Variants in HMCN1 observed in about 807,000 individuals in gnomAD.
The protein encoded by HMCN1 is hemicentin 1, also known as hemicentin-1.
A neutral mutation model predicts 625.9 loss-of-function variants in HMCN1; 321 were observed. The ratio of observed to expected loss-of-function variants is 0.51; its 90% CI spans 0.47 to 0.56. HMCN1 has a LOEUF of 0.56. HMCN1 is among the 20% of genes least tolerant of loss of function. HMCN1 has a pLI of 0.00. For synonymous variants in HMCN1, 2,425 were observed against 2,417.6 expected (o/e 1.00, Z -0.09); for missense variants, 6,588 against 6,887.3 (o/e 0.96, Z 1.54).
At chr1:185,824,224 T>A (rs1034386795) in intron 1 of HMCN1, among the ~76,000 whole-genome samples, 5 of 152,184 alleles carry the variant, frequency 3.3e-5, no homozygotes, top group Non-Finnish European at 1.5e-5. Context: ...TGGTTTAAGA[T>A]GCTAGTAAGT....
At chr1:186,156,993 C>A (rs1176848179) in intron 97 of HMCN1, among the ~76,000 whole-genome samples, 1 of 152,102 alleles carries the variant, frequency 6.6e-6, no homozygotes, top group Admixed American at 6.6e-5. Flanking sequence ...ATAAGAAAAT[C>A]TTTACACCCA....
At chr1:185,931,799 G>A (rs902242013) in intron 10 of HMCN1, among the ~76,000 whole-genome samples, 1 of 152,096 alleles carries the variant, frequency 6.6e-6, no homozygotes, top group Non-Finnish European at 1.5e-5. Context: ...CCTTCAGCAT[G>A]TTTGTTTCAT....
intron 1 of HMCN1, among the ~76,000 whole-genome samples, chr1:185,791,496 G>A (rs76649294): frequency 0.018 from 2,715 of 151,936 alleles, 43 homozygotes; most frequent in Non-Finnish European, 0.027. Context: ...GAGGCGGGTG[G>A]ATCACTTTAG....
intron 4 of HMCN1, among the ~76,000 whole-genome samples, chr1:185,868,864 CTTG>C (rs1378126992): frequency 6.6e-6 from 1 of 152,024 alleles, no homozygotes; most frequent in Non-Finnish European, 1.5e-5. Flanking sequence ...AACCCACTGG[CTTG>C]TTGTTAGTGT....
intron 18 of HMCN1, 24 bp from the exon 19 acceptor site, chr1:185,984,145 A>C (rs982743471): frequency 5.6e-6 from 9 of 1,604,338 alleles, no homozygotes; most frequent in Non-Finnish European, 6.8e-6. Flanking sequence ...TTTAAATAAA[A>C]ATTACCTTTT....
In HMCN1 at chr1:186,189,729, C is replaced by T; in HGVS notation, c.16759C>T (p.Leu5587=). ...TCCTTTTGCCTTGAGGGATGAAAAC[C>T]TGAAAGGAGTGGTGTATACAACACG... ...TVPFALRDEN[L]KGVVYTTRPL... The change falls in exon 107 of 107, where the codon CTG becomes TTG. Residue 5587 remains leucine (L), a synonymous_variant. Transcript: ENST00000271588. The T allele has an allele frequency of 6.2e-7, 1 of 1,613,554 alleles. No homozygotes were observed. The highest frequency in any genetic ancestry group is 1.7e-4 in the Middle Eastern group (1 of 6,052).
At chr1:186,002,194 G>T (rs141443771) in intron 28 of HMCN1, among the ~76,000 whole-genome samples, 249 of 152,110 alleles carry the variant, frequency 1.6e-3, no homozygotes, top group African/African-American at 5.7e-3. Flanking sequence ...ATTAACTCTT[G>T]TAACTAAGTC....
At position 185,989,553 on chromosome 1, in the gene HMCN1, G is replaced by A. The variant is rs1303448528; in HGVS notation, c.3114G>A (p.Val1038=). The A allele has an allele frequency of 6.2e-7, 1 of 1,613,972 alleles. No homozygotes were observed. The highest frequency in any genetic ancestry group is 8.5e-7 in the Non-Finnish European group (1 of 1,179,898). The part of the protein sequence containing the change: ...FSAGADGSLY[V]VSPGGEESGE... Reference sequence around the variant, plus strand: ...CAGGAGCTGATGGTAGTCTGTATGTGGTATCACCTGGAGGAGAGGAGAGTG... The same window carrying A: ...CAGGAGCTGATGGTAGTCTGTATGTAGTATCACCTGGAGGAGAGGAGAGTG... Residue 1038 remains valine, a synonymous_variant, in exon 21 of 107, where the codon GTG becomes GTA. Transcript: ENST00000271588.
At chr1:185,923,734 C>A in intron 8 of HMCN1, 81 bp downstream of exon 8, 1 of 1,167,818 alleles carries the variant, frequency 8.6e-7, no homozygotes, top group Non-Finnish European at 1.3e-6. Flanking sequence ...AACGGACTAT[C>A]AAATAAAAAA....
At chr1:186,024,640 A>G (rs912924664) in intron 36 of HMCN1, among the ~76,000 whole-genome samples, 1 of 152,186 alleles carries the variant, frequency 6.6e-6, no homozygotes, top group Non-Finnish European at 1.5e-5. Context: ...CTTAATTTCT[A>G]TGAGTATCTG....
At chr1:185,776,442 T>TTG (rs57003461) in intron 1 of HMCN1, among the ~76,000 whole-genome samples, 4,108 of 147,070 alleles carry the variant, frequency 0.028, 62 homozygotes, top group African/African-American at 0.032. Context: ...TTGTATAGGG[T>TTG]TGTGTGTGTG....
intron 11 of HMCN1, among the ~76,000 whole-genome samples, chr1:185,942,105 C>G (rs1451171814): frequency 1.3e-5 from 2 of 150,230 alleles, no homozygotes; most frequent in African/African-American, 4.9e-5. Flanking sequence ...GCGGGAGAAT[C>G]ACTTACACCC....
intron 4 of HMCN1, 126 bp downstream of exon 4, chr1:185,865,989 A>G (rs2102359064): frequency 3.7e-6 from 3 of 812,684 alleles, no homozygotes; most frequent in Non-Finnish European, 6.1e-6. Context: ...CCAAGGCCAC[A>G]GTTCAATAAA....
intron 30 of HMCN1, 56 bp downstream of exon 30, chr1:186,007,338 C>A: frequency 6.6e-7 from 1 of 1,504,948 alleles, no homozygotes; most frequent in Non-Finnish European, 9.2e-7. Flanking sequence ...AGTTGACAAG[C>A]AGGGTTTACT....
At chr1:185,982,745 T>G (rs1051044407) in intron 18 of HMCN1, among the ~76,000 whole-genome samples, 1 of 152,130 alleles carries the variant, frequency 6.6e-6, no homozygotes, top group African/African-American at 2.4e-5. Context: ...CTGGCCCACA[T>G]TCCTAATTTT....
intron 42 of HMCN1, 44 bp from the exon 43 acceptor site, chr1:186,052,908 C>G (rs1261748803): frequency 3.3e-6 from 5 of 1,500,150 alleles, no homozygotes; most frequent in Non-Finnish European, 3.7e-6. Context: ...TATGAGAATT[C>G]TATATGAAAT....
intron 57 of HMCN1, among the ~76,000 whole-genome samples, chr1:186,085,879 CCTT>C (rs1659448787): frequency 6.6e-6 from 1 of 152,086 alleles, no homozygotes; most frequent in Non-Finnish European, 1.5e-5. Flanking sequence ...ACTATTATCT[CCTT>C]CTCTACAGCA....
chr1:185,986,527 T>C (rs2102015711), intron 19 of HMCN1, among the ~76,000 whole-genome samples: 1 of 152,306 alleles, frequency 6.6e-6, no homozygotes, highest in South Asian at 2.1e-4. Flanking sequence ...CGAGTATTGA[T>C]GATTTCTGTT....
At chr1:185,947,053 T>C (rs1473156036) in intron 11 of HMCN1, among the ~76,000 whole-genome samples, 2 of 152,194 alleles carry the variant, frequency 1.3e-5, no homozygotes, top group Non-Finnish European at 2.9e-5. Context: ...GAATTCTTTT[T>C]TGTTGGCAGG....
Sources: gnomAD v4.1 joint callset for allele counts (sites outside exome capture counted in the v4.1 genomes callset) on GRCh38, gnomAD v4.1.1 for gene constraint, MANE v1.5 for transcripts, NCBI Gene and HGNC (gene_info 2026-07-23, HGNC 2026-07-21) for gene names.